Variants in USP45 observed in about 807,000 individuals in gnomAD.
USP45 encodes the protein ubiquitin carboxyl-terminal hydrolase 45.
In USP45, 89 loss-of-function variants were observed where a neutral mutation model predicts 95.8. That is an observed-to-expected ratio of 0.93 (90% CI 0.78 to 1.11). The LOEUF is 1.11. Among genes scored for constraint, USP45 ranks in the 50% least tolerant of loss-of-function variants. The pLI, the probability that USP45 is intolerant of heterozygous loss-of-function variation, is 0.00. For missense variants in USP45, 898 were observed against 942.5 expected, an observed-to-expected ratio of 0.95 and a Z score of 0.62; for synonymous variants, 281 against 316.2, an observed-to-expected ratio of 0.89 and a Z score of 1.18.
intron 9 of USP45, among the ~76,000 whole-genome samples, chr6:99,472,054 T>A (rs1285006242): frequency 6.6e-6 from 1 of 152,184 alleles, no homozygotes; most frequent in African/African-American, 2.4e-5. Flanking sequence ...CAATGCACCA[T>A]TACGACTAAA....
chr6:99,449,438 T>C (rs1036226702), intron 13 of USP45, among the ~76,000 whole-genome samples: 1 of 152,002 alleles, frequency 6.6e-6, no homozygotes, highest in Non-Finnish European at 1.5e-5. Context: ...TACATAATGG[T>C]AAAGGGATCA....
In USP45 at chr6:99,466,765, T is replaced by C. The variant is rs376322038; in HGVS notation, c.1016-2A>G. On this transcript the variant is annotated splice_acceptor_variant, in intron 10 of 17. Coordinates refer to ENST00000500704, the MANE Select transcript of USP45 (RefSeq NM_001346022.3). LOFTEE classifies it high-confidence loss of function. ...TTTTCACACCTTCTTTTCCATATGC[T>C]GTAAAAATCATACTTTTTAATGCAA... The C allele has an allele frequency of 6.2e-7, 1 of 1,611,018 alleles. No homozygotes were observed. The highest frequency in any genetic ancestry group is 1.1e-5 in the South Asian group (1 of 90,894).
At chr6:99,438,148 T>C (rs1284328867) in intron 16 of USP45, among the ~76,000 whole-genome samples, 2 of 152,302 alleles carry the variant, frequency 1.3e-5, no homozygotes, top group South Asian at 2.1e-4. Flanking sequence ...TGGGGACTGG[T>C]TGAATAAACT....
chr6:99,463,815 A>AG (rs1787175169), intron 13 of USP45, among the ~76,000 whole-genome samples: 1 of 150,584 alleles, frequency 6.6e-6, no homozygotes, highest in Non-Finnish European at 1.5e-5. Flanking sequence ...AAAAAAAAAA[A>AG]AAAAAAAAAA....
chr6:99,464,480 T>C lies in USP45; in HGVS notation c.1308+124A>G, dbSNP rs917623602. 7 of 1,046,866 alleles carry C rather than the reference T, an allele frequency of 6.7e-6. No individual in the cohort carries two copies. In the African/African-American group the frequency reaches 9.7e-5, roughly 15 times the overall value. The allele number at this position is 1,046,866 out of a possible 1,614,324, so 64.8% of individuals were successfully genotyped here. A position where few individuals can be genotyped will look rare whatever the true frequency, so the allele number is the denominator to read the frequency against. On this transcript the variant is annotated intron_variant, in intron 13 of 17. Transcript: ENST00000500704. ...GTATACAAGTAGCCAAGTTGATAAT[T>C]ATGAAGCCAAAAAATGGGTACATGA...
chr6:99,448,114 A>G (rs1051025362), intron 13 of USP45, among the ~76,000 whole-genome samples: 1 of 152,242 alleles, frequency 6.6e-6, no homozygotes, highest in Non-Finnish European at 1.5e-5. Context: ...AAAAGCTGAA[A>G]ATTCTAAAAA....
In USP45 at chr6:99,435,822, G is replaced by A; in HGVS notation, c.2339C>T (p.Ser780Leu). Residue 780 changes from serine to leucine, a missense_variant, in exon 18 of 18, where the codon TCA (serine) becomes TTA (leucine). Physicochemically the swap from Ser to Leu is moderately radical, Grantham distance 145 (BLOSUM62 -2). Coordinates refer to ENST00000500704, the MANE Select transcript of USP45 (RefSeq NM_001346022.3). ...ACTAACATGGACCCACTGGCCTGCT[G>A]ATTCATTATCAGCCGCTTTCAAACC... Reference protein sequence around the residue: ...VPGLKAADNESAGQWVHVSDT... With the variant: ...VPGLKAADNELAGQWVHVSDT... The A allele has an allele frequency of 6.2e-7, 1 of 1,612,870 alleles. No individual in the cohort carries two copies. Among genetic ancestry groups the A allele is most frequent in the Non-Finnish European group, 8.5e-7 (1 of 1,179,500 alleles).
At chr6:99,474,369 T>C (rs1365762731) in intron 9 of USP45, among the ~76,000 whole-genome samples, 2 of 152,194 alleles carry the variant, frequency 1.3e-5, no homozygotes, top group African/African-American at 4.8e-5. Context: ...GGCTAATTTT[T>C]GTGTTTTTAG....
Position 99,445,992 on chromosome 6 carries a change from G to A in USP45, c.1780C>T (p.His594Tyr). 1.2e-6 allele frequency: 2 copies of A among 1,613,972 alleles called. No homozygotes were observed. Among genetic ancestry groups the A allele is most frequent in the Non-Finnish European group, 1.7e-6 (2 of 1,179,984 alleles). ...SNNLCFLEGK[H>Y]LRSYSPQNAF... The stretch of plus-strand genomic sequence containing the variant: ...TTTTGGGGACTATAAGACCTCAAAT[G>A]CTTCCCCTCTAAAAAACATAAATTA... The change falls in exon 14 of 18, where the codon CAT (histidine) becomes TAT (tyrosine). Residue 594 changes from histidine (H) to tyrosine (Y), a missense_variant. Transcript: ENST00000500704.
chr6:99,500,531 G>T (rs2128772439), intron 5 of USP45, among the ~76,000 whole-genome samples: 1 of 152,080 alleles, frequency 6.6e-6, no homozygotes, highest in East Asian at 1.9e-4. Context: ...GACTGGCTTT[G>T]TACTTAACCT....
chr6:99,460,673 T>C (rs1034615479), intron 13 of USP45: 2 of 529,970 alleles, frequency 3.8e-6, no homozygotes, highest in Non-Finnish European at 4.8e-6. Context: ...ACAGTATTCT[T>C]TTGGTGACTG....
intron 5 of USP45, among the ~76,000 whole-genome samples, chr6:99,492,070 C>T (rs567108734): frequency 3.3e-5 from 5 of 152,246 alleles, no homozygotes; most frequent in African/African-American, 1.2e-4. Flanking sequence ...GCAAATGTAT[C>T]TGTGTGCCAC....
At chr6:99,476,420 A>G (rs577188912) in intron 8 of USP45, among the ~76,000 whole-genome samples, 190 bp from the exon 9 acceptor site, 42 of 152,324 alleles carry the variant, frequency 2.8e-4, no homozygotes, top group African/African-American at 9.9e-4. Context: ...AGCCTGGGCA[A>G]CAAGGCAAAA....
intron 8 of USP45, 97 bp from the exon 9 acceptor site, chr6:99,476,327 A>T: frequency 8.2e-7 from 1 of 1,226,054 alleles, no homozygotes; most frequent in Non-Finnish European, 1.2e-6. Flanking sequence ...GCATATTATT[A>T]GCTGGGTGCG....
chr6:99,454,881 G>C (rs915813485), intron 13 of USP45, among the ~76,000 whole-genome samples: 1 of 152,028 alleles, frequency 6.6e-6, no homozygotes, highest in Non-Finnish European at 1.5e-5. Flanking sequence ...GAGGTCAAGA[G>C]TTCAAGACCA....
chr6:99,436,126 A>G (rs1780432923), intron 17 of USP45, among the ~76,000 whole-genome samples: 1 of 151,788 alleles, frequency 6.6e-6, no homozygotes, highest in Non-Finnish European at 1.5e-5. Flanking sequence ...TACATTACGT[A>G]TTTCTCCTAA....
rs569376459 is a variant in USP45, at chr6:99,491,921, G to A, written c.479-3101C>T. On this transcript the variant is annotated intron_variant, in intron 5 of 17. Transcript: ENST00000500704. ...ATATACTTATGAAATATATATACACGACGCCTATTGGGCCTGTTTTAAAAA... is the reference window on the plus strand; with the variant it reads ...ATATACTTATGAAATATATATACACAACGCCTATTGGGCCTGTTTTAAAAA... Among the ~76,000 whole-genome samples, 36 of 151,322 alleles carry A rather than the reference G, an allele frequency of 2.4e-4. 1 individual carries two copies. Among genetic ancestry groups the A allele is most frequent in the Admixed American group, 1.9e-3 (28 of 15,092 alleles).
chr6:99,507,364 A>C, intron 4 of USP45, 64 bp downstream of exon 4: 3 of 882,314 alleles, frequency 3.4e-6, no homozygotes, highest in Non-Finnish European at 5.0e-6. Context: ...TTAAAAGCTT[A>C]AAGAAAAAAA....
intron 7 of USP45, among the ~76,000 whole-genome samples, chr6:99,485,794 G>C (rs1379208409): frequency 6.6e-6 from 1 of 152,100 alleles, no homozygotes; most frequent in Non-Finnish European, 1.5e-5. Flanking sequence ...ATCATAACTG[G>C]GGTTTGTAAC....
Sources: gnomAD v4.1 joint callset for allele counts (sites outside exome capture counted in the v4.1 genomes callset) on GRCh38, gnomAD v4.1.1 for gene constraint, MANE v1.5 for transcripts, NCBI Gene and HGNC (gene_info 2026-07-23, HGNC 2026-07-21) for gene names.